Variants in PDE4D observed in about 807,000 individuals in gnomAD.
PDE4D encodes the protein 3',5'-cyclic-AMP phosphodiesterase 4D.
PDE4D carries 24 observed loss-of-function variants against 87.4 expected under a neutral mutation model. The observed-to-expected ratio is 0.27, with a 90% CI of 0.20 to 0.39. The LOEUF (loss-of-function observed/expected upper bound fraction) is 0.39, where lower values mean the gene tolerates loss of function less well. Ranked by LOEUF, PDE4D falls within the 10% of genes least tolerant of loss-of-function variation. The pLI is 1.00. For synonymous variants in PDE4D, 384 were observed against 383.2 expected (o/e 1.00, Z -0.02); for missense variants, 714 against 1,041.0 (o/e 0.69, Z 4.32).
chr5:59,213,093 C>T (rs1274070889), intron 2 of PDE4D, among the ~76,000 whole-genome samples: 2 of 151,028 alleles, frequency 1.3e-5, no homozygotes, highest in Admixed American at 6.6e-5. Context: ...TTACATTTCC[C>T]TTCTTTTACT....
chr5:60,506,518 A>G (rs147965823), intron 1 of PDE4D, among the ~76,000 whole-genome samples: 1,547 of 152,318 alleles, frequency 0.01, 18 homozygotes, highest in Non-Finnish European at 0.014. Context: ...TATTTGAAAA[A>G]CTGAATAGCA....
rs574532060 is a variant in PDE4D, at chr5:60,240,590, A to G, written c.-89-54903T>C. 8.5e-5 allele frequency among the ~76,000 whole-genome samples: 13 copies of G among 152,224 alleles called. No homozygotes were observed. In the South Asian group the frequency reaches 2.3e-3, roughly 27 times the overall value. On this transcript the variant is annotated intron_variant, in intron 1 of 16. Transcript: ENST00000502484. ...CAGGCCTTGGACAAGACCCAGTGCT[A>G]TGCTGGCTTCAAGTCTGACCCAACG...
intron 1 of PDE4D, among the ~76,000 whole-genome samples, chr5:59,322,154 C>G (rs1044964543): frequency 1.3e-5 from 2 of 152,066 alleles, no homozygotes; most frequent in Non-Finnish European, 2.9e-5. Context: ...GCACAATAAC[C>G]AGCAAAATGC....
chr5:59,569,951 T>C (rs1468190926), intron 1 of PDE4D, among the ~76,000 whole-genome samples: 1 of 152,220 alleles, frequency 6.6e-6, no homozygotes, highest in African/African-American at 2.4e-5. Flanking sequence ...TAAGATGTTA[T>C]GTGAAATTTC....
At chr5:60,155,041 G>C (rs1409287308) in intron 2 of PDE4D, among the ~76,000 whole-genome samples, 3 of 152,048 alleles carry the variant, frequency 2.0e-5, no homozygotes, top group Non-Finnish European at 4.4e-5. Flanking sequence ...TGTTAATACT[G>C]GTGTTACCAT....
At chr5:60,077,110 A>G (rs1035367005) in intron 2 of PDE4D, among the ~76,000 whole-genome samples, 8 of 152,290 alleles carry the variant, frequency 5.3e-5, no homozygotes, top group South Asian at 2.1e-4. Context: ...CCAGTTTCAC[A>G]TTGCTGGAAG....
chr5:59,650,499 A>C (rs1005609370), intron 1 of PDE4D, among the ~76,000 whole-genome samples: 2 of 152,224 alleles, frequency 1.3e-5, no homozygotes, highest in African/African-American at 2.4e-5. Context: ...GCCAGCAATG[A>C]CAAGTATCCT....
intron 2 of PDE4D, among the ~76,000 whole-genome samples, chr5:59,211,723 A>G (rs1441761439): frequency 6.6e-6 from 1 of 152,070 alleles, no homozygotes; most frequent in Non-Finnish European, 1.5e-5. Context: ...TACTTGGGAA[A>G]GTTGATGATA....
At chr5:59,723,878 T>C (rs1414309009) in intron 1 of PDE4D, among the ~76,000 whole-genome samples, 1 of 152,156 alleles carries the variant, frequency 6.6e-6, no homozygotes, top group Non-Finnish European at 1.5e-5. Flanking sequence ...TAAACAATTT[T>C]ATCCCAAAAA....
intron 1 of PDE4D, among the ~76,000 whole-genome samples, chr5:60,470,520 T>C (rs1313686128): frequency 6.6e-6 from 1 of 152,190 alleles, no homozygotes; most frequent in Non-Finnish European, 1.5e-5. Context: ...ACCTAGGACT[T>C]GCATTGCTAA....
At chr5:59,540,452 GGTTTTGCCTTCAATAGCAAAACAT>G (rs1052728068) in intron 1 of PDE4D, among the ~76,000 whole-genome samples, 28 of 152,238 alleles carry the variant, frequency 1.8e-4, no homozygotes, top group African/African-American at 5.1e-4. Context: ...GCTCTAAGGA[GGTTTTGCCTTCAATAGCAAAACAT>G]GTTTTGCCTC....
intron 3 of PDE4D, among the ~76,000 whole-genome samples, chr5:59,976,462 CT>C (rs1435117530): frequency 1.2e-4 from 19 of 152,234 alleles, no homozygotes; most frequent in Admixed American, 3.9e-4. Flanking sequence ...CACCTGCCCC[CT>C]CTCTTATTCC....
intron 1 of PDE4D, among the ~76,000 whole-genome samples, chr5:59,329,904 A>C (rs903300719): frequency 1.3e-5 from 2 of 152,344 alleles, no homozygotes; most frequent in Admixed American, 1.3e-4. Flanking sequence ...GCAACATAAA[A>C]GTGTTTTCTT....
intron 1 of PDE4D, among the ~76,000 whole-genome samples, chr5:59,655,739 C>A (rs1454092066): frequency 6.6e-6 from 1 of 152,090 alleles, no homozygotes; most frequent in Non-Finnish European, 1.5e-5. Flanking sequence ...AACTAAGAAC[C>A]CATGACTGTA....
intron 1 of PDE4D, among the ~76,000 whole-genome samples, chr5:59,696,174 A>G (rs2150427473): frequency 6.6e-6 from 1 of 152,304 alleles, no homozygotes; most frequent in Non-Finnish European, 1.5e-5. Context: ...CCTAGAAGGT[A>G]GGGGCATCTG....
intron 6 of PDE4D, among the ~76,000 whole-genome samples, chr5:59,026,192 GT>G (rs1261469749): frequency 6.6e-6 from 1 of 152,170 alleles, no homozygotes; most frequent in Non-Finnish European, 1.5e-5. Flanking sequence ...GGCCTCTATG[GT>G]TTTTGCCTGT....
chr5:59,650,820 G>A (rs1743333737), intron 1 of PDE4D, among the ~76,000 whole-genome samples: 1 of 151,898 alleles, frequency 6.6e-6, no homozygotes, highest in African/African-American at 2.4e-5. Context: ...TGATGTTTTT[G>A]TGGTTGCCTC....
intron 1 of PDE4D, among the ~76,000 whole-genome samples, chr5:59,863,820 C>T (rs530475408): frequency 1.4e-4 from 22 of 152,056 alleles, no homozygotes; most frequent in African/African-American, 5.1e-4. Flanking sequence ...GGCACTGTGA[C>T]GAGGGGAGCC....
chr5:60,031,704 A>G (rs1379433376), intron 2 of PDE4D, among the ~76,000 whole-genome samples: 3 of 152,236 alleles, frequency 2.0e-5, no homozygotes, highest in African/African-American at 7.2e-5. Context: ...ATTTATGATA[A>G]GAATATTTAA....
Sources: gnomAD v4.1 joint callset for allele counts (sites outside exome capture counted in the v4.1 genomes callset) on GRCh38, gnomAD v4.1.1 for gene constraint, MANE v1.5 for transcripts, NCBI Gene and HGNC (gene_info 2026-07-23, HGNC 2026-07-21) for gene names.